GRID2: variants seen among roughly 807,000 people sequenced by gnomAD.
The protein encoded by GRID2 is glutamate ionotropic receptor delta type subunit 2.
GRID2 carries 33 observed loss-of-function variants against 114.8 expected under a neutral mutation model. The ratio of observed to expected loss-of-function variants is 0.29; its 90% confidence interval spans 0.22 to 0.38. The LOEUF (loss-of-function observed/expected upper bound fraction) is 0.38, where lower values mean the gene tolerates loss of function less well. Among genes scored for constraint, GRID2 ranks in the 10% least tolerant of loss-of-function variants. The pLI, the probability that GRID2 is intolerant of heterozygous loss-of-function variation, is 1.00. For missense variants in GRID2, 1,184 were observed against 1,257.7 expected (o/e 0.94, Z 0.89); for synonymous variants, 505 against 449.9 (o/e 1.12, Z -1.55).
chr4:93,323,715 C>T (rs9993547), intron 8 of GRID2, among the ~76,000 whole-genome samples: 47,173 of 151,848 alleles, frequency 0.31, 8,275 homozygotes, highest in African/African-American at 0.48. Context: ...TGTCCTCTTT[C>T]ATTTCATTGA....
chr4:93,330,320 GAAT>G (rs2149226471), intron 8 of GRID2, among the ~76,000 whole-genome samples: 1 of 152,232 alleles, frequency 6.6e-6, no homozygotes, highest in African/African-American at 2.4e-5. Flanking sequence ...AATAAGAGAA[GAAT>G]CAGGAGTTAG....
rs1465811163 is a variant in GRID2, at chr4:93,222,235, A to G, written c.964-2379A>G. ...TTTGTGGAAAAGGTAGATTTAAAAA[A>G]GAATTTAGTATTCTGATATGTTTCA... On this transcript the variant is annotated intron_variant, in intron 6 of 15. Coordinates refer to ENST00000282020, the MANE Select transcript of GRID2 (RefSeq NM_001510.4). Among the ~76,000 whole-genome samples the G allele has an allele frequency of 5.3e-5, 8 of 152,242 alleles. No individual in the cohort carries two copies. The East Asian group carries it at 1.5e-3, about 29-fold the overall frequency.
At chr4:92,714,453 TCTC>T (rs1735431882) in intron 2 of GRID2, among the ~76,000 whole-genome samples, 1 of 152,166 alleles carries the variant, frequency 6.6e-6, no homozygotes, top group Non-Finnish European at 1.5e-5. Flanking sequence ...GTAGCCCTCT[TCTC>T]ACAGCTCCAC....
intron 1 of GRID2, among the ~76,000 whole-genome samples, chr4:92,545,303 A>G (rs1363369966): frequency 6.6e-6 from 1 of 152,180 alleles, no homozygotes; most frequent in Non-Finnish European, 1.5e-5. Flanking sequence ...ACATGGCTTT[A>G]TATTCTAGGT....
intron 2 of GRID2, among the ~76,000 whole-genome samples, chr4:92,852,667 G>A (rs1289570032): frequency 6.6e-6 from 1 of 151,658 alleles, no homozygotes; most frequent in Non-Finnish European, 1.5e-5. Context: ...CATTAACCAT[G>A]CCCTCCTTCT....
At chr4:93,588,399 A>C (rs10516924) in intron 13 of GRID2, among the ~76,000 whole-genome samples, 6,189 of 152,204 alleles carry the variant, frequency 0.041, 157 homozygotes, top group African/African-American at 0.07. Flanking sequence ...AGGACTACAA[A>C]AAATTAGGGT....
chr4:92,551,316 AAC>A (rs3076696), intron 1 of GRID2, among the ~76,000 whole-genome samples: 33,654 of 151,322 alleles, frequency 0.22, 4,631 homozygotes, highest in African/African-American at 0.4. Context: ...TCACAGGACT[AAC>A]ACAATGAAAT....
At position 92,871,211 on chromosome 4, in the gene GRID2, A is replaced by AT. The variant is rs1745249782; in HGVS notation, c.245-213777dup. On this transcript the variant is annotated intron_variant, in intron 2 of 15. Transcript: ENST00000282020. ...GGTCACTAACTTGTTTTGCTTTTTTATTTTTTTGTTTTATAATTGTTAACT... is the reference window on the plus strand; with the variant it reads ...GGTCACTAACTTGTTTTGCTTTTTTATTTTTTTTGTTTTATAATTGTTAACT... Among the ~76,000 whole-genome samples, 3 of 148,254 alleles carry AT rather than the reference A, an allele frequency of 2.0e-5. No homozygotes were observed. In the South Asian group the frequency reaches 6.5e-4, roughly 32 times the overall value.
chr4:92,365,524 G>A (rs1412149965), intron 1 of GRID2, among the ~76,000 whole-genome samples: 1 of 151,834 alleles, frequency 6.6e-6, no homozygotes, highest in Admixed American at 6.6e-5. Flanking sequence ...GGAATGGAAA[G>A]TTCCTGGTCT....
At chr4:92,716,304 C>T (rs1735548303) in intron 2 of GRID2, among the ~76,000 whole-genome samples, 1 of 152,154 alleles carries the variant, frequency 6.6e-6, no homozygotes, top group African/African-American at 2.4e-5. Flanking sequence ...CCAATTTCCT[C>T]AGTGAAAAGA....
intron 2 of GRID2, among the ~76,000 whole-genome samples, chr4:92,600,044 G>GTGTGTATA (rs1206780169): frequency 7.3e-4 from 40 of 54,422 alleles, no homozygotes; most frequent in African/African-American, 8.2e-4. Context: ...GTGTGTGTGT[G>GTGTGTATA]TATATATATA....
intron 2 of GRID2, among the ~76,000 whole-genome samples, chr4:92,692,939 C>T (rs1273337046): frequency 6.6e-6 from 1 of 151,526 alleles, no homozygotes; most frequent in Non-Finnish European, 1.5e-5. Flanking sequence ...AAGAGAATAT[C>T]TTGAGTCCTG....
At chr4:92,600,947 A>G (rs1729191073) in intron 2 of GRID2, among the ~76,000 whole-genome samples, 1 of 152,186 alleles carries the variant, frequency 6.6e-6, no homozygotes, top group African/African-American at 2.4e-5. Flanking sequence ...ACTCCCATAC[A>G]TCTGGACTGC....
chr4:93,218,858 G>A (rs771786874), intron 6 of GRID2, among the ~76,000 whole-genome samples: 1 of 152,118 alleles, frequency 6.6e-6, no homozygotes, highest in African/African-American at 2.4e-5. Flanking sequence ...TCCTCACATC[G>A]CAGCAGGTAA....
intron 2 of GRID2, among the ~76,000 whole-genome samples, chr4:92,941,502 A>C (rs1291762177): frequency 1.3e-5 from 2 of 151,936 alleles, no homozygotes; most frequent in Non-Finnish European, 2.9e-5. Context: ...AATTTTGTTG[A>C]TCTTTTCAAA....
At chr4:92,376,952 G>A (rs1579262686) in intron 1 of GRID2, among the ~76,000 whole-genome samples, 2 of 152,140 alleles carry the variant, frequency 1.3e-5, no homozygotes, top group East Asian at 3.9e-4. Flanking sequence ...AGGCCTCTGG[G>A]CCTGTGATGG....
At chr4:93,455,584 C>A in intron 10 of GRID2, 78 bp from the exon 11 acceptor site, 1 of 930,004 alleles carries the variant, frequency 1.1e-6, no homozygotes, top group Non-Finnish European at 1.7e-6. Context: ...TTTTTTTTTC[C>A]TCGAGGCAAG....
intron 1 of GRID2, among the ~76,000 whole-genome samples, chr4:92,412,117 C>CTGTGTGTG (rs60674952): frequency 1.4e-4 from 20 of 143,530 alleles, no homozygotes; most frequent in African/African-American, 4.8e-4. Context: ...TTTTTTGTGC[C>CTGTGTGTG]TGTGTGTGTG....
chr4:93,003,370 A>T (rs1220166112), intron 2 of GRID2, among the ~76,000 whole-genome samples: 2 of 151,900 alleles, frequency 1.3e-5, no homozygotes, highest in Non-Finnish European at 2.9e-5. Context: ...TTTCTTTAAC[A>T]TATTTTACAA....
Sources: gnomAD v4.1 joint callset for allele counts (sites outside exome capture counted in the v4.1 genomes callset) on GRCh38, gnomAD v4.1.1 for gene constraint, MANE v1.5 for transcripts, NCBI Gene and HGNC (gene_info 2026-07-23, HGNC 2026-07-21) for gene names.